Variants in ANKRD30A observed in about 807,000 individuals in gnomAD.
ANKRD30A encodes the protein ankyrin repeat domain-containing protein 30A.
ANKRD30A carries 170 observed loss-of-function variants against 166.3 expected under a neutral mutation model. The observed-to-expected ratio is 1.02, with a 90% CI of 0.90 to 1.16. The LOEUF is 1.16. Ranked by LOEUF, ANKRD30A falls within the 50% of genes most tolerant of loss-of-function variation. The pLI is 0.00. For synonymous variants in ANKRD30A, 564 were observed against 508.9 expected, an observed-to-expected ratio of 1.11 and a Z score of -1.46; for missense variants, 1,630 against 1,518.0, an observed-to-expected ratio of 1.07 and a Z score of -1.23.
intron 6 of ANKRD30A, among the ~76,000 whole-genome samples, chr10:37,137,899 G>A (rs1836826103): frequency 1.3e-5 from 2 of 152,160 alleles, no homozygotes; most frequent in Non-Finnish European, 2.9e-5. Flanking sequence ...CCAGCACGCA[G>A]CTGGAGATCT....
chr10:37,227,200 G>C (rs1244808596), intron 34 of ANKRD30A, among the ~76,000 whole-genome samples: 1 of 151,880 alleles, frequency 6.6e-6, no homozygotes, highest in Non-Finnish European at 1.5e-5. Context: ...TTATATCTAA[G>C]AAGCCACTGC....
rs1353746136 is a variant in ANKRD30A, at chr10:37,216,183, T to A, written c.2872T>A (p.Ser958Thr). ...MDKISGKLED[S>T]TSLSKILDTV... The stretch of plus-strand genomic sequence containing the variant: ...TTTGTATCTCCTCCTTGAGACAGAT[T>A]CAACTAGCCTATCAAAAATCTTGGA... The change falls in exon 32 of 36, where the codon TCA becomes ACA. Residue 958 changes from serine to threonine, a missense_variant and splice_region_variant. Physicochemically the swap from Ser to Thr is moderately conservative, Grantham distance 58 (BLOSUM62 1). This residue lies in a region of ANKRD30A where 712 missense variants were observed against 629.3 expected (regional missense o/e 1.13). Transcript: ENST00000361713. 1 of 1,587,162 alleles carries A rather than the reference T, an allele frequency of 6.3e-7. No individual in the cohort carries two copies. Among genetic ancestry groups the A allele is most frequent in the Admixed American group, 1.8e-5 (1 of 56,816 alleles).
At chr10:37,162,079 G>A (rs527547076) in intron 15 of ANKRD30A, among the ~76,000 whole-genome samples, 7 of 152,154 alleles carry the variant, frequency 4.6e-5, no homozygotes, top group Non-Finnish European at 1.0e-4. Context: ...GGATCCAGAA[G>A]CATTCAGACA....
intron 34 of ANKRD30A, among the ~76,000 whole-genome samples, chr10:37,229,809 AG>A (rs1393217558): frequency 2.0e-5 from 3 of 151,832 alleles, no homozygotes; most frequent in Non-Finnish European, 4.4e-5. Context: ...GGTACACAGT[AG>A]GGTGTGTATA....
At chr10:37,260,034 G>A in the ANKRD30A span, among the ~76,000 whole-genome samples, 1 of 151,784 alleles carries the variant, frequency 6.6e-6, no homozygotes, top group African/African-American at 2.4e-5. Flanking sequence ...ATGAGTGGCC[G>A]AATGCTTAAC....
Position 37,156,654 on chromosome 10 carries a change from ACT to A in ANKRD30A, c.1799-1735_1799-1734del, listed in dbSNP as rs1177051561. Among the ~76,000 whole-genome samples the A allele has an allele frequency of 3.9e-5, 6 of 152,264 alleles. No homozygotes were observed. The East Asian group carries it at 1.2e-3, about 29-fold the overall frequency. On this transcript the variant is annotated intron_variant, in intron 13 of 35. Transcript: ENST00000361713. ...ACATATTCATTTCCTGTCTCATGACACTCTGCTTTCTTTGCACTTAGTGAGGA... is the reference window on the plus strand; with the variant it reads ...ACATATTCATTTCCTGTCTCATGACACTGCTTTCTTTGCACTTAGTGAGGA...
At chr10:37,192,114 G>T (rs1368486497) in intron 25 of ANKRD30A, among the ~76,000 whole-genome samples, 1 of 151,954 alleles carries the variant, frequency 6.6e-6, no homozygotes, top group Non-Finnish European at 1.5e-5. Flanking sequence ...TTGGCTCACT[G>T]CAACCTCCAC....
chr10:37,208,443 T>C (rs1161837278), intron 31 of ANKRD30A, among the ~76,000 whole-genome samples: 2 of 152,138 alleles, frequency 1.3e-5, no homozygotes, highest in Non-Finnish European at 1.5e-5. Flanking sequence ...CATATTCTTA[T>C]CCGCTTCTGC....
chr10:37,206,944 A>G (rs1842027577), intron 31 of ANKRD30A, among the ~76,000 whole-genome samples: 1 of 152,204 alleles, frequency 6.6e-6, no homozygotes, highest in African/African-American at 2.4e-5. Flanking sequence ...CAAAATAAAA[A>G]TGGTTATACT....
the ANKRD30A span, among the ~76,000 whole-genome samples, chr10:37,260,799 ATAAAAC>A: frequency 3.3e-5 from 5 of 152,332 alleles, no homozygotes; most frequent in Admixed American, 6.5e-5. Context: ...ATAAAAAAGA[ATAAAAC>A]TAAATACCAC....
intron 27 of ANKRD30A, among the ~76,000 whole-genome samples, chr10:37,196,091 C>CTTTTTTTTTTTTTTTTTTT (rs1554823840): frequency 8.6e-6 from 1 of 115,624 alleles, no homozygotes; most frequent in African/African-American, 3.1e-5. Context: ...TTTATATTTT[C>CTTTTTTTTTTTTTTTTTTT]TATTTTTTTT....
At chr10:37,133,375 TATG>T (rs1162756029) in intron 4 of ANKRD30A, among the ~76,000 whole-genome samples, 3 of 152,156 alleles carry the variant, frequency 2.0e-5, no homozygotes, top group Non-Finnish European at 4.4e-5. Flanking sequence ...TAATACCAAG[TATG>T]ATTTTCTATA....
At position 37,218,988 on chromosome 10, in the gene ANKRD30A, C is replaced by T; in HGVS notation, c.3276C>T (p.His1092=). ...SVESNLNQVS[H]THENENYLLH... is the part of the protein sequence containing the mutation. Reference sequence around the variant, plus strand: ...TATTTTGTTTTATTTAGGTTTCTCACACTCATGAAAATGAAAATTATCTCT... The same window carrying T: ...TATTTTGTTTTATTTAGGTTTCTCATACTCATGAAAATGAAAATTATCTCT... Residue 1092 remains histidine, a synonymous_variant, in exon 34 of 36, where the codon CAC becomes CAT. Transcript: ENST00000361713. 1 of 1,579,378 alleles carries T rather than the reference C, an allele frequency of 6.3e-7. No individual in the cohort carries two copies. The highest frequency in any genetic ancestry group is 2.3e-5 in the East Asian group (1 of 44,426).
At chr10:37,230,524 G>C (rs1355300234) in intron 34 of ANKRD30A, among the ~76,000 whole-genome samples, 2 of 152,050 alleles carry the variant, frequency 1.3e-5, no homozygotes, top group East Asian at 3.9e-4. Flanking sequence ...CATTTAATTT[G>C]ACAGTAGTAT....
chr10:37,222,250 C>T (rs921465976), intron 34 of ANKRD30A, among the ~76,000 whole-genome samples: 3 of 151,166 alleles, frequency 2.0e-5, no homozygotes, highest in Admixed American at 6.6e-5. Context: ...TCATCACCAC[C>T]GCCCACCTCC....
chr10:37,142,193 A>G lies in ANKRD30A; in HGVS notation c.1296A>G (p.Ala432=). The G allele has an allele frequency of 1.2e-6, 2 of 1,613,992 alleles. No individual in the cohort carries two copies. The highest frequency in any genetic ancestry group is 1.7e-6 in the Non-Finnish European group (2 of 1,180,018). ...CACCTGTAAAGACTGGATGCGTGGC[A>G]AGAGTAACATCTAATAAAACTAAAG... ...KETPVKTGCV[A]RVTSNKTKVL... Residue 432 remains alanine (A), a synonymous_variant, in exon 7 of 36, where the codon GCA becomes GCG. Coordinates refer to ENST00000361713, the MANE Select transcript of ANKRD30A (RefSeq NM_052997.3).
intron 1 of ANKRD30A, among the ~76,000 whole-genome samples, chr10:37,128,006 A>G (rs753642856): frequency 6.0e-4 from 92 of 152,216 alleles, no homozygotes; most frequent in Non-Finnish European, 1.1e-3. Flanking sequence ...TGGCTTTTAT[A>G]AATACATTTC....
At chr10:37,217,668 T>C in intron 32 of ANKRD30A, 27 bp from the exon 33 acceptor site, 1 of 1,477,748 alleles carries the variant, frequency 6.8e-7, no homozygotes, top group Middle Eastern at 1.8e-4. Flanking sequence ...ACAAAATGAA[T>C]TTTAAGATAA....
the ANKRD30A span, among the ~76,000 whole-genome samples, chr10:37,263,788 C>T: frequency 2.0e-5 from 3 of 152,180 alleles, no homozygotes; most frequent in Non-Finnish European, 2.9e-5. Context: ...TGGCCTGTGT[C>T]GTGGGTTGGG....
Sources: allele counts gnomAD v4.1 joint callset (sites outside exome capture counted in the v4.1 genomes callset), GRCh38; gene constraint gnomAD v4.1.1; regional missense constraint gnomAD v4.1.1; transcripts MANE v1.5; gene names NCBI Gene and HGNC (gene_info 2026-07-23, HGNC 2026-07-21).